HDAC9: variants seen among roughly 807,000 people sequenced by gnomAD.
The protein encoded by HDAC9 is histone deacetylase 9.
HDAC9 carries 41 observed loss-of-function variants against 139.4 expected under a neutral mutation model. That is an observed-to-expected ratio of 0.29 (90% CI 0.23 to 0.38). HDAC9 has a LOEUF of 0.38. Ranked by LOEUF, HDAC9 falls within the 10% of genes least tolerant of loss-of-function variation. HDAC9 has a pLI of 1.00. For missense variants in HDAC9, 1,147 were observed against 1,297.0 expected (o/e 0.88, Z 1.78); for synonymous variants, 517 against 476.2 (o/e 1.09, Z -1.12).
chr7:18,455,658 C>G (rs1793277603), intron 1 of HDAC9, among the ~76,000 whole-genome samples: 2 of 152,134 alleles, frequency 1.3e-5, no homozygotes, highest in South Asian at 4.1e-4. Flanking sequence ...CAAGAATGGA[C>G]TGGGTTGGGG....
At chr7:18,566,220 CA>C (rs1415773483) in intron 2 of HDAC9, among the ~76,000 whole-genome samples, 2 of 152,180 alleles carry the variant, frequency 1.3e-5, no homozygotes, top group Non-Finnish European at 2.9e-5. Context: ...CCAAATACCA[CA>C]ATCAAGGAAT....
intron 22 of HDAC9, among the ~76,000 whole-genome samples, chr7:18,892,864 G>C (rs1800806223): frequency 6.6e-6 from 1 of 151,908 alleles, no homozygotes; most frequent in Non-Finnish European, 1.5e-5. Flanking sequence ...TCTTGATAGA[G>C]AGATGTGATT....
intron 1 of HDAC9, among the ~76,000 whole-genome samples, chr7:18,320,866 A>C (rs1009428431): frequency 1.6e-3 from 242 of 152,318 alleles, no homozygotes; most frequent in African/African-American, 5.6e-3. Flanking sequence ...TGTGACCTCA[A>C]GCAGTCCCAT....
intron 1 of HDAC9, among the ~76,000 whole-genome samples, chr7:18,461,051 C>T (rs1055000993): frequency 6.6e-6 from 1 of 151,906 alleles, no homozygotes; most frequent in Non-Finnish European, 1.5e-5. Context: ...GCCTATTAAC[C>T]GTGGAAAAGA....
intron 22 of HDAC9, among the ~76,000 whole-genome samples, chr7:18,888,897 A>G (rs947244638): frequency 6.6e-6 from 1 of 152,196 alleles, no homozygotes; most frequent in African/African-American, 2.4e-5. Context: ...TAGAGTCTAT[A>G]GATAAGGTCT....
chr7:18,754,196 T>C (rs1788691475), intron 14 of HDAC9, among the ~76,000 whole-genome samples: 1 of 152,098 alleles, frequency 6.6e-6, no homozygotes, highest in Admixed American at 6.6e-5. Flanking sequence ...ATACTTAGTT[T>C]AGTGATTCTG....
intron 1 of HDAC9, among the ~76,000 whole-genome samples, chr7:18,319,054 A>C (rs1342339327): frequency 1.3e-5 from 2 of 152,222 alleles, no homozygotes; most frequent in African/African-American, 4.8e-5. Context: ...TGATACAAAC[A>C]AACGTTAAAT....
intron 12 of HDAC9, among the ~76,000 whole-genome samples, chr7:18,709,255 T>C (rs1039092127): frequency 2.6e-5 from 4 of 152,112 alleles, no homozygotes; most frequent in African/African-American, 9.7e-5. Flanking sequence ...GTCCATGTGT[T>C]CTCATTGTTC....
At chr7:18,642,164 G>A (rs1338413502) in intron 8 of HDAC9, among the ~76,000 whole-genome samples, 3 of 152,050 alleles carry the variant, frequency 2.0e-5, no homozygotes, top group Non-Finnish European at 4.4e-5. Flanking sequence ...ATACCTAGTA[G>A]ATATGGGGGA....
intron 16 of HDAC9, among the ~76,000 whole-genome samples, chr7:18,780,684 T>C (rs1164926245): frequency 6.6e-6 from 1 of 152,024 alleles, no homozygotes; most frequent in African/African-American, 2.4e-5. Context: ...TTAGATAGTT[T>C]AGCCACAGTA....
At chr7:18,598,506 C>G (rs773527357) in intron 6 of HDAC9, among the ~76,000 whole-genome samples, 6 of 152,144 alleles carry the variant, frequency 3.9e-5, no homozygotes, top group Non-Finnish European at 7.4e-5. Context: ...TTTAACCTCT[C>G]TAGGCCACGA....
chr7:18,819,281 A>AAAT (rs1035159289), intron 17 of HDAC9, among the ~76,000 whole-genome samples: 2 of 152,076 alleles, frequency 1.3e-5, no homozygotes, highest in Admixed American at 1.3e-4. Context: ...CTCCATCTAA[A>AAAT]AATAATAATA....
chr7:18,915,677 A>G (rs1286803850), intron 22 of HDAC9, among the ~76,000 whole-genome samples: 1 of 151,234 alleles, frequency 6.6e-6, no homozygotes, highest in African/African-American at 2.4e-5. Flanking sequence ...GGAACTTCAA[A>G]GCGACCCCGC....
intron 23 of HDAC9, chr7:18,948,997 G>T: frequency 2.5e-6 from 1 of 396,272 alleles, no homozygotes; most frequent in Non-Finnish European, 4.8e-6. Context: ...TTTCCAATTT[G>T]GGAAGAGAAC....
intron 1 of HDAC9, among the ~76,000 whole-genome samples, chr7:18,350,283 G>T (rs1782751459): frequency 1.3e-5 from 2 of 151,990 alleles, no homozygotes; most frequent in South Asian, 4.2e-4. Context: ...TCTTTTTGGA[G>T]GCAGTAATTT....
intron 9 of HDAC9, among the ~76,000 whole-genome samples, chr7:18,645,898 A>G (rs1199268959): frequency 2.0e-5 from 3 of 152,282 alleles, no homozygotes; most frequent in East Asian, 3.9e-4. Flanking sequence ...GGTATTGTCA[A>G]TAGACTATAA....
intron 1 of HDAC9, among the ~76,000 whole-genome samples, chr7:18,324,585 T>C (rs762278049): frequency 3.3e-5 from 5 of 152,154 alleles, no homozygotes; most frequent in Non-Finnish European, 7.3e-5. Flanking sequence ...CTACTCACAA[T>C]GTGGTCCTCA....
intron 2 of HDAC9, among the ~76,000 whole-genome samples, chr7:18,223,974 C>T (rs998839293): frequency 1.3e-5 from 2 of 152,082 alleles, no homozygotes; most frequent in African/African-American, 2.4e-5. Context: ...GCACAATTAT[C>T]GTCATTACAA....
intron 1 of HDAC9, among the ~76,000 whole-genome samples, chr7:18,396,512 A>G (rs1787078448): frequency 1.3e-5 from 2 of 151,974 alleles, no homozygotes; most frequent in Non-Finnish European, 2.9e-5. Context: ...TTCTCCGTAT[A>G]TTCTCCTCTC....
Sources: allele counts gnomAD v4.1 joint callset (sites outside exome capture counted in the v4.1 genomes callset), GRCh38; gene constraint gnomAD v4.1.1; transcripts MANE v1.5; gene names NCBI Gene and HGNC (gene_info 2026-07-23, HGNC 2026-07-21).